MED13L: variants seen among roughly 807,000 people sequenced by gnomAD.
The protein encoded by MED13L is mediator complex subunit 13L.
Under a neutral mutation model 220.9 loss-of-function variants are expected in MED13L, and 7 were observed. That is an observed-to-expected ratio of 0.03 (90% CI 0.02 to 0.06). The LOEUF (loss-of-function observed/expected upper bound fraction) is 0.06, where lower values mean the gene tolerates loss of function less well. MED13L is among the 10% of genes least tolerant of loss of function. The pLI, the probability that MED13L is intolerant of heterozygous loss-of-function variation, is 1.00. For missense variants in MED13L, 1,965 were observed against 2,760.5 expected, an observed-to-expected ratio of 0.71 and a Z score of 6.46; for synonymous variants, 1,011 against 1,015.2, an observed-to-expected ratio of 1.00 and a Z score of 0.08.
At chr12:116,234,238 T>C (rs546349271) in intron 2 of MED13L, among the ~76,000 whole-genome samples, 49 of 152,018 alleles carry the variant, frequency 3.2e-4, no homozygotes, top group Non-Finnish European at 5.0e-4. Flanking sequence ...TATTTATTTA[T>C]TTATTTATTG....
rs1381012946 is a variant in MED13L, at chr12:116,277,110, C to G, written c.22G>C (p.Val8Leu). The G allele has an allele frequency of 6.3e-7, 1 of 1,588,744 alleles. No homozygotes were observed. Among genetic ancestry groups the G allele is most frequent in the South Asian group, 1.1e-5 (1 of 87,542 alleles). The change falls in exon 1 of 31, where the codon GTG becomes CTG. Residue 8 changes from valine to leucine, a missense_variant. Physicochemically the swap from Val to Leu is conservative, Grantham distance 32. This residue lies in a region of MED13L where 818 missense variants were observed against 1,041.2 expected (regional missense o/e 0.79). Transcript: ENST00000281928. MTAAANW[V>L]ANGASLEDCH... ...TCCTCCAGGCTCGCCCCGTTCGCCA[C>G]CCAGTTCGCTGCCGCAGTCATGATC...
intron 28 of MED13L, among the ~76,000 whole-genome samples, chr12:115,967,098 G>T (rs1487133182): frequency 7.0e-6 from 1 of 143,492 alleles, no homozygotes; most frequent in Non-Finnish European, 1.5e-5. Flanking sequence ...TTGAACCCAG[G>T]AGGCAAAGGT....
rs1184543343 is a variant in MED13L at position 115,984,404 on chromosome 12, C to CT, written c.4339-33_4339-32insA. ...TCATAGACAAGATCATTAGTTATAA[C>CT]AGGAGCCATTCCTTCATTCAGTACC... On this transcript the variant is annotated intron_variant, in intron 19 of 30. Coordinates refer to ENST00000281928, the MANE Select transcript of MED13L (RefSeq NM_015335.5). 3.1e-6 allele frequency: 5 copies of CT among 1,610,464 alleles called. No homozygotes were observed. In the Admixed American group the frequency reaches 6.7e-5, roughly 21 times the overall value.
chr12:116,028,056 T>C (rs1880509249), intron 4 of MED13L, among the ~76,000 whole-genome samples: 1 of 152,222 alleles, frequency 6.6e-6, no homozygotes, highest in Non-Finnish European at 1.5e-5. Context: ...AAAAAGACTT[T>C]AGTGTGCCCA....
At chr12:116,214,143 CAAAA>C (rs1882868343) in intron 2 of MED13L, among the ~76,000 whole-genome samples, 1 of 152,086 alleles carries the variant, frequency 6.6e-6, no homozygotes, top group African/African-American at 2.4e-5. Flanking sequence ...TCACTTAAAA[CAAAA>C]AAGTCACAGT....
At chr12:116,011,527 T>C (rs1879403463) in intron 9 of MED13L, among the ~76,000 whole-genome samples, 1 of 152,092 alleles carries the variant, frequency 6.6e-6, no homozygotes, top group Admixed American at 6.5e-5. Context: ...TACACTACAG[T>C]TTATATCCTA....
chr12:116,097,262 C>T (rs1420504548), intron 3 of MED13L, among the ~76,000 whole-genome samples: 1 of 152,046 alleles, frequency 6.6e-6, no homozygotes, highest in African/African-American at 2.4e-5. Flanking sequence ...TCTCCTGTCT[C>T]AATCTCCCAG....
chr12:116,194,380 G>T lies in MED13L; in HGVS notation c.310+43088C>A, dbSNP rs1881486679. ...GGGTTTCTCCATGTTGGTCAGGCTGGTCTCAAACTCCCGACCTCAGGTGAG... is the reference window on the plus strand; with the variant it reads ...GGGTTTCTCCATGTTGGTCAGGCTGTTCTCAAACTCCCGACCTCAGGTGAG... On this transcript the variant is annotated intron_variant, in intron 2 of 30. Transcript: ENST00000281928. Among the ~76,000 whole-genome samples, 3 of 151,964 alleles carry T rather than the reference G, an allele frequency of 2.0e-5. No homozygotes were observed. The South Asian group carries it at 6.2e-4, about 31-fold the overall frequency.
rs115734422 is a variant in MED13L, at chr12:116,157,621, C to T, written c.311-46109G>A. Among the ~76,000 whole-genome samples the T allele has an allele frequency of 2.8e-3, 423 of 152,340 alleles. 4 individuals carry two copies. Among genetic ancestry groups the T allele is most frequent in the African/African-American group, 9.8e-3 (406 of 41,582 alleles). On this transcript the variant is annotated intron_variant, in intron 2 of 30. Coordinates refer to ENST00000281928, the MANE Select transcript of MED13L (RefSeq NM_015335.5). ...AGCACTATGCATCCTACTACCTCTCCGTTTTACAGAAAGCACACAAATATC... is the reference window on the plus strand; with the variant it reads ...AGCACTATGCATCCTACTACCTCTCTGTTTTACAGAAAGCACACAAATATC...
At chr12:116,150,221 G>A (rs1877932258) in intron 2 of MED13L, among the ~76,000 whole-genome samples, 1 of 152,208 alleles carries the variant, frequency 6.6e-6, no homozygotes. Context: ...TGCAGGCTGT[G>A]TCACTGGACA....
intron 2 of MED13L, among the ~76,000 whole-genome samples, chr12:116,148,045 C>T (rs1198820951): frequency 4.0e-5 from 2 of 50,528 alleles, no homozygotes; most frequent in East Asian, 4.9e-4. Context: ...GAGCAAGACC[C>T]CATCTCAAAA....
intron 2 of MED13L, among the ~76,000 whole-genome samples, chr12:116,122,213 C>A (rs1875164026): frequency 6.6e-6 from 1 of 151,886 alleles, no homozygotes; most frequent in Admixed American, 6.6e-5. Context: ...TGAAGGATAC[C>A]AAGATAAATA....
chr12:116,255,774 T>C (rs1407706706), intron 1 of MED13L, among the ~76,000 whole-genome samples: 2 of 152,222 alleles, frequency 1.3e-5, no homozygotes, highest in African/African-American at 4.8e-5. Context: ...TTAAACTTCA[T>C]CTGTTATCAA....
At chr12:116,216,936 T>C (rs1213869478) in intron 2 of MED13L, among the ~76,000 whole-genome samples, 1 of 152,218 alleles carries the variant, frequency 6.6e-6, no homozygotes, top group African/African-American at 2.4e-5. Flanking sequence ...AGCAAAGTTA[T>C]TAAGGACAGA....
chr12:116,053,459 A>T (rs548550462), intron 4 of MED13L, among the ~76,000 whole-genome samples: 16 of 152,338 alleles, frequency 1.1e-4, no homozygotes, highest in African/African-American at 3.8e-4. Flanking sequence ...GATTCGGATA[A>T]TATGAGACTG....
chr12:116,077,313 G>A (rs1432962334), intron 4 of MED13L, among the ~76,000 whole-genome samples: 2 of 151,954 alleles, frequency 1.3e-5, no homozygotes, highest in Admixed American at 6.6e-5. Context: ...TTTTACTCAC[G>A]CCCACTAATG....
intron 2 of MED13L, among the ~76,000 whole-genome samples, chr12:116,182,791 A>G (rs889351982): frequency 6.6e-6 from 1 of 152,126 alleles, no homozygotes; most frequent in Non-Finnish European, 1.5e-5. Flanking sequence ...CCACCCCAAA[A>G]TCCTAGCCAC....
At chr12:116,061,865 A>C (rs568537029) in intron 4 of MED13L, among the ~76,000 whole-genome samples, 1 of 151,916 alleles carries the variant, frequency 6.6e-6, no homozygotes, top group East Asian at 2.0e-4. Flanking sequence ...AAAATTAGCC[A>C]GGCATGGTGG....
At chr12:116,250,776 C>CA (rs772459455) in intron 1 of MED13L, among the ~76,000 whole-genome samples, 5,437 of 75,722 alleles carry the variant, frequency 0.072, 259 homozygotes, top group African/African-American at 0.13. Flanking sequence ...GACTCCTCCT[C>CA]AAAAAAAAAA....
Sources: allele counts gnomAD v4.1 joint callset (sites outside exome capture counted in the v4.1 genomes callset), GRCh38; gene constraint gnomAD v4.1.1; regional missense constraint gnomAD v4.1.1; transcripts MANE v1.5; gene names NCBI Gene and HGNC (gene_info 2026-07-23, HGNC 2026-07-21).